The following MAPK10 variants were observed in gnomAD, a reference collection of about 807,000 sequenced individuals.
MAPK10 encodes the protein JNK3 alpha protein kinase.
A neutral mutation model predicts 59.3 loss-of-function variants in MAPK10; 25 were observed. The observed-to-expected ratio is 0.42, with a 90% CI of 0.31 to 0.59. MAPK10 has a LOEUF of 0.59. Among genes scored for constraint, MAPK10 ranks in the 20% least tolerant of loss-of-function variants. MAPK10 has a pLI of 0.15. For synonymous variants in MAPK10, 190 were observed against 200.5 expected, an observed-to-expected ratio of 0.95 and a Z score of 0.44; for missense variants, 351 against 568.9, an observed-to-expected ratio of 0.62 and a Z score of 3.90.
chr4:86,315,640 ATATTG>A (rs2095767497), intron 2 of MAPK10, among the ~76,000 whole-genome samples: 1 of 152,130 alleles, frequency 6.6e-6, no homozygotes, highest in Non-Finnish European at 1.5e-5. Context: ...ATGATGTAGT[ATATTG>A]TCAAATTAGC....
intron 9 of MAPK10, among the ~76,000 whole-genome samples, chr4:86,070,444 G>A (rs1450450788): frequency 1.3e-5 from 2 of 149,554 alleles, no homozygotes; most frequent in East Asian, 3.9e-4. Context: ...ACATTGTGCA[G>A]GTTAGTTACA....
intron 11 of MAPK10, among the ~76,000 whole-genome samples, chr4:86,054,687 A>G (rs141906934): frequency 1.5e-3 from 221 of 152,270 alleles, no homozygotes; most frequent in African/African-American, 5.1e-3. Context: ...TCATTTCTAA[A>G]TTTATATATA....
At chr4:86,402,569 T>C (rs1743859768) in intron 1 of MAPK10, among the ~76,000 whole-genome samples, 1 of 152,108 alleles carries the variant, frequency 6.6e-6, no homozygotes, top group African/African-American at 2.4e-5. Context: ...TTATTCCAGG[T>C]TTTCTTAGAG....
intron 1 of MAPK10, among the ~76,000 whole-genome samples, chr4:86,556,138 A>G (rs1760250382): frequency 6.6e-6 from 1 of 152,244 alleles, no homozygotes; most frequent in Non-Finnish European, 1.5e-5. Context: ...GCTATAAACA[A>G]TTCCTGAAGA....
chr4:86,103,288 AAGAG>A (rs754530492), intron 5 of MAPK10, 44 bp from the exon 6 acceptor site: 2 of 970,876 alleles, frequency 2.1e-6, no homozygotes, highest in African/African-American at 1.6e-5. Flanking sequence ...AGAAAGAAAA[AAGAG>A]AGAGAATGTA....
chr4:86,392,938 T>C (rs1032754273), intron 1 of MAPK10, among the ~76,000 whole-genome samples: 1 of 152,234 alleles, frequency 6.6e-6, no homozygotes, highest in African/African-American at 2.4e-5. Context: ...AAGCTGCATA[T>C]AGTTTTCCTT....
At chr4:86,340,772 A>G (rs1375381010) in intron 2 of MAPK10, among the ~76,000 whole-genome samples, 1 of 152,234 alleles carries the variant, frequency 6.6e-6, no homozygotes. Context: ...CCCTTCTGCT[A>G]TGTTCATCTA....
intron 11 of MAPK10, among the ~76,000 whole-genome samples, chr4:86,055,027 A>G (rs986069327): frequency 6.6e-6 from 1 of 152,206 alleles, no homozygotes; most frequent in Admixed American, 6.6e-5. Flanking sequence ...TGGAGAAAAG[A>G]GAATCATGAT....
At chr4:86,116,481 ATG>A (rs2058310087) in intron 4 of MAPK10, among the ~76,000 whole-genome samples, 2 of 152,238 alleles carry the variant, frequency 1.3e-5, no homozygotes, top group South Asian at 4.1e-4. Context: ...CTGGTTTTAT[ATG>A]TGAGATGGTA....
chr4:86,471,275 C>CAAAA (rs60423060), intron 1 of MAPK10, among the ~76,000 whole-genome samples: 13 of 96,824 alleles, frequency 1.3e-4, no homozygotes, highest in African/African-American at 2.7e-4. Context: ...TGCCCCCCTG[C>CAAAA]AAAAAAAAAA....
At chr4:86,246,883 TCATATCATC>T (rs2093129505) in intron 2 of MAPK10, among the ~76,000 whole-genome samples, 1 of 152,152 alleles carries the variant, frequency 6.6e-6, no homozygotes, top group Non-Finnish European at 1.5e-5. Context: ...TAGTAGCCAA[TCATATCATC>T]CCAACCAACC....
At chr4:86,208,959 T>TA (rs1266725459) in intron 2 of MAPK10, among the ~76,000 whole-genome samples, 1 of 152,060 alleles carries the variant, frequency 6.6e-6, no homozygotes, top group Non-Finnish European at 1.5e-5. Flanking sequence ...ATACAATAGT[T>TA]AGTATATAAG....
intron 13 of MAPK10, chr4:86,020,286 T>A (rs948632031): frequency 1.3e-5 from 2 of 152,236 alleles, no homozygotes; most frequent in Admixed American, 6.5e-5. Flanking sequence ...CTGCATAATA[T>A]TCCATTGTAT....
chr4:86,513,028 G>T (rs1756396538), intron 1 of MAPK10, among the ~76,000 whole-genome samples: 1 of 152,044 alleles, frequency 6.6e-6, no homozygotes, highest in Admixed American at 6.6e-5. Flanking sequence ...CCTTCTGCTG[G>T]TAACTTGACA....
At chr4:86,081,879 GAAAA>G (rs5860016) in intron 9 of MAPK10, 19 of 145,424 alleles carry the variant, frequency 1.3e-4, no homozygotes, top group African/African-American at 4.7e-4. Context: ...GTTTATAAAA[GAAAA>G]AAAAAAACAG....
At chr4:86,183,143 T>C (rs372410722) in intron 3 of MAPK10, among the ~76,000 whole-genome samples, 5 of 152,068 alleles carry the variant, frequency 3.3e-5, no homozygotes, top group African/African-American at 1.2e-4. Flanking sequence ...CTGGTTTTTT[T>C]TTATTATTAT....
At chr4:86,335,506 T>C (rs1181246860) in intron 2 of MAPK10, among the ~76,000 whole-genome samples, 1 of 152,230 alleles carries the variant, frequency 6.6e-6, no homozygotes, top group East Asian at 1.9e-4. Context: ...TTTTTGCTTT[T>C]CATCTTCTTG....
At chr4:86,130,937 A>T (rs2060889556) in intron 4 of MAPK10, among the ~76,000 whole-genome samples, 2 of 152,174 alleles carry the variant, frequency 1.3e-5, no homozygotes, top group South Asian at 4.1e-4. Context: ...TTGTTCACAG[A>T]TTCTAGTGCT....
At chr4:86,153,903 A>C (rs1462061700) in intron 4 of MAPK10, among the ~76,000 whole-genome samples, 1 of 152,192 alleles carries the variant, frequency 6.6e-6, no homozygotes, top group Admixed American at 6.6e-5. Context: ...GGTTGCGATT[A>C]AGGGTCCAAA....
Sources: allele counts gnomAD v4.1 joint callset (sites outside exome capture counted in the v4.1 genomes callset), GRCh38; gene constraint gnomAD v4.1.1; transcripts MANE v1.5; gene names NCBI Gene and HGNC (gene_info 2026-07-23, HGNC 2026-07-21).